The following EXOC6B variants were observed in gnomAD, a reference collection of about 807,000 sequenced individuals.
The protein encoded by EXOC6B is SEC15 homolog B.
EXOC6B carries 54 observed loss-of-function variants against 113.5 expected under a neutral mutation model. The observed-to-expected ratio is 0.48, with a 90% CI of 0.38 to 0.60. The LOEUF (loss-of-function observed/expected upper bound fraction) is 0.60. Among genes scored for constraint, EXOC6B ranks in the 20% least tolerant of loss-of-function variants. The pLI is 0.00. For synonymous variants in EXOC6B, 357 were observed against 339.0 expected (o/e 1.05, Z -0.58); for missense variants, 797 against 977.5 (o/e 0.82, Z 2.46).
At chr2:72,290,480 T>C (rs1685713061) in intron 20 of EXOC6B, among the ~76,000 whole-genome samples, 1 of 152,128 alleles carries the variant, frequency 6.6e-6, no homozygotes, top group African/African-American at 2.4e-5. Flanking sequence ...ACAAAATTTG[T>C]AATTACACTT....
intron 11 of EXOC6B, among the ~76,000 whole-genome samples, chr2:72,500,403 G>T (rs1417717023): frequency 1.3e-5 from 2 of 152,200 alleles, no homozygotes. Context: ...GCACTGAACT[G>T]ATGAAACTAT....
At chr2:72,499,047 A>G (rs1447739180) in intron 12 of EXOC6B, among the ~76,000 whole-genome samples, 1 of 152,124 alleles carries the variant, frequency 6.6e-6, no homozygotes, top group Non-Finnish European at 1.5e-5. Flanking sequence ...AAACTAATGT[A>G]GTCAGTAGTT....
intron 8 of EXOC6B, among the ~76,000 whole-genome samples, chr2:72,531,768 G>A (rs553770100): frequency 9.9e-5 from 15 of 152,172 alleles, no homozygotes; most frequent in African/African-American, 3.1e-4. Context: ...GTTAGATCAC[G>A]AGGTCAGGAG....
chr2:72,749,172 T>TA (rs1681883973), intron 1 of EXOC6B, among the ~76,000 whole-genome samples: 1 of 152,070 alleles, frequency 6.6e-6, no homozygotes, highest in South Asian at 2.1e-4. Flanking sequence ...AGATAAGATA[T>TA]AAAAAAGTAC....
intron 20 of EXOC6B, among the ~76,000 whole-genome samples, chr2:72,208,831 C>A (rs983088012): frequency 1.3e-5 from 2 of 152,192 alleles, no homozygotes; most frequent in Non-Finnish European, 2.9e-5. Context: ...TTTAACCTTA[C>A]AATACAGCTT....
At chr2:72,546,106 C>T (rs190339173) in intron 8 of EXOC6B, among the ~76,000 whole-genome samples, 6 of 152,188 alleles carry the variant, frequency 3.9e-5, no homozygotes, top group Admixed American at 1.3e-4. Flanking sequence ...GATTATTGAC[C>T]ATCTTACACC....
intron 16 of EXOC6B, among the ~76,000 whole-genome samples, chr2:72,486,516 C>T (rs1699429578): frequency 6.6e-6 from 1 of 152,144 alleles, no homozygotes; most frequent in African/African-American, 2.4e-5. Context: ...TCCTAGAGGA[C>T]TTCAACACAC....
intron 20 of EXOC6B, among the ~76,000 whole-genome samples, chr2:72,285,006 CATGGATAG>C (rs1315316121): frequency 6.6e-6 from 1 of 152,016 alleles, no homozygotes; most frequent in African/African-American, 2.4e-5. Context: ...ATTTCATATT[CATGGATAG>C]GAAGACAATA....
At chr2:72,539,743 TGTGTGTGCGCGCGCGCGCGC>T (rs1009137376) in intron 8 of EXOC6B, among the ~76,000 whole-genome samples, 52 of 151,874 alleles carry the variant, frequency 3.4e-4, no homozygotes, top group African/African-American at 1.2e-3. Context: ...CGTGTGTGTG[TGTGTGTGCGCGCGCGCGCGC>T]GTGTGTGTAG....
At chr2:72,550,339 G>C (rs937299330) in intron 8 of EXOC6B, among the ~76,000 whole-genome samples, 1 of 152,150 alleles carries the variant, frequency 6.6e-6, no homozygotes, top group Non-Finnish European at 1.5e-5. Flanking sequence ...GCTATGAAGA[G>C]TCAGCACTAG....
intron 19 of EXOC6B, among the ~76,000 whole-genome samples, chr2:72,369,449 T>C (rs368270533): frequency 2.0e-5 from 3 of 152,152 alleles, no homozygotes; most frequent in Admixed American, 6.5e-5. Flanking sequence ...AGGTAATTTA[T>C]AGATTCAATG....
rs139707104 is a variant in EXOC6B at position 72,419,765 on chromosome 2, C to T, written c.1981-39895G>A. On this transcript the variant is annotated intron_variant, in intron 18 of 21. Transcript: ENST00000272427. ...TTCAAAAGTTTTATTTTTAATGTGT[C>T]TTTAGTGTTGGTCTCTTTTAGTTCA... is the stretch of plus-strand genomic sequence containing the variant. Among the ~76,000 whole-genome samples the T allele has an allele frequency of 4.8e-3, 737 of 152,166 alleles. 9 individuals carry two copies. The highest frequency in any genetic ancestry group is 0.016 in the African/African-American group (684 of 41,514).
chr2:72,325,175 G>A (rs982484748), intron 20 of EXOC6B, among the ~76,000 whole-genome samples: 11 of 152,046 alleles, frequency 7.2e-5, no homozygotes, highest in Non-Finnish European at 1.2e-4. Flanking sequence ...TCCCTTAACC[G>A]CATCTGAGAA....
At chr2:72,660,669 T>C (rs748120102) in intron 6 of EXOC6B, among the ~76,000 whole-genome samples, 4 of 152,210 alleles carry the variant, frequency 2.6e-5, no homozygotes, top group Non-Finnish European at 5.9e-5. Context: ...TAAAATGAGG[T>C]AAGTATATTG....
intron 6 of EXOC6B, among the ~76,000 whole-genome samples, chr2:72,636,891 A>G (rs1031316464): frequency 6.6e-6 from 1 of 152,108 alleles, no homozygotes; most frequent in African/African-American, 2.4e-5. Context: ...TTTACAAATG[A>G]TATGATAACC....
At chr2:72,572,153 A>G (rs1238180550) in intron 7 of EXOC6B, among the ~76,000 whole-genome samples, 3 of 152,188 alleles carry the variant, frequency 2.0e-5, no homozygotes, top group East Asian at 1.9e-4. Flanking sequence ...AAAAAAAACA[A>G]TAGAAGACCC....
At chr2:72,374,542 G>T (rs903240833) in intron 19 of EXOC6B, among the ~76,000 whole-genome samples, 4 of 152,000 alleles carry the variant, frequency 2.6e-5, no homozygotes, top group South Asian at 2.1e-4. Flanking sequence ...GTTATCAGAG[G>T]CTGGGAAGCA....
intron 1 of EXOC6B, among the ~76,000 whole-genome samples, chr2:72,807,101 T>C (rs1308243464): frequency 1.3e-5 from 2 of 152,204 alleles, no homozygotes; most frequent in African/African-American, 2.4e-5. Flanking sequence ...TGGCCGTGCC[T>C]GTGTCCAGAA....
intron 18 of EXOC6B, chr2:72,463,437 T>C (rs2105410255): frequency 6.6e-6 from 1 of 152,188 alleles, no homozygotes; most frequent in Non-Finnish European, 1.5e-5. Flanking sequence ...GGACAAAACC[T>C]TTTAAAGGTG....
Sources: allele counts gnomAD v4.1 joint callset (sites outside exome capture counted in the v4.1 genomes callset), GRCh38; gene constraint gnomAD v4.1.1; transcripts MANE v1.5; gene names NCBI Gene and HGNC (gene_info 2026-07-23, HGNC 2026-07-21).